The following STX17 variants were observed in gnomAD, a reference collection of about 807,000 sequenced individuals.
STX17 encodes the protein syntaxin-17.
A neutral mutation model predicts 35.9 loss-of-function variants in STX17; 29 were observed. The ratio of observed to expected loss-of-function variants is 0.81; its 90% CI spans 0.60 to 1.10. The LOEUF (loss-of-function observed/expected upper bound fraction) is 1.10. Ranked by LOEUF, STX17 falls within the 50% of genes least tolerant of loss-of-function variation. The probability of loss-of-function intolerance (pLI) is 0.00; values close to 1 mark genes in which losing one functional copy is unlikely to be tolerated. For missense variants in STX17, 312 were observed against 352.3 expected, an observed-to-expected ratio of 0.89 and a Z score of 0.92; for synonymous variants, 92 against 118.3, an observed-to-expected ratio of 0.78 and a Z score of 1.44.
In STX17 at chr9:99,970,080, C is replaced by T. The variant is rs886805627; in HGVS notation, c.*1407C>T. 2 of 152,362 alleles carry T rather than the reference C, an allele frequency of 1.3e-5. No homozygotes were observed. Among genetic ancestry groups the T allele is most frequent in the Non-Finnish European group, 1.5e-5 (1 of 68,090 alleles). The allele number at this position is 152,362 out of a possible 1,614,324, so 9.4% of individuals were successfully genotyped here. ...AGGAATCACTTTTTGCCTTACTTAACGCTTTTTTCTGAGCACAGGGATGGG... is the reference window on the plus strand; with the variant it reads ...AGGAATCACTTTTTGCCTTACTTAATGCTTTTTTCTGAGCACAGGGATGGG... On this transcript the variant is annotated 3_prime_UTR_variant, in exon 8 of 8. Transcript: ENST00000259400.
At chr9:99,958,031 A>G (rs901265266) in intron 4 of STX17, among the ~76,000 whole-genome samples, 2 of 152,160 alleles carry the variant, frequency 1.3e-5, no homozygotes, top group African/African-American at 4.8e-5. Flanking sequence ...TAATAGTAAC[A>G]TATTGATCTT....
chr9:99,961,259 T>C (rs900583499), intron 6 of STX17, among the ~76,000 whole-genome samples: 2 of 152,146 alleles, frequency 1.3e-5, no homozygotes, highest in Non-Finnish European at 2.9e-5. Flanking sequence ...TTGTGAATAA[T>C]GGCCTAAGAG....
intron 1 of STX17, among the ~76,000 whole-genome samples, chr9:99,908,188 G>A (rs1025453297): frequency 6.6e-6 from 1 of 152,114 alleles, no homozygotes; most frequent in East Asian, 1.9e-4. Context: ...TTGATCACTT[G>A]GTAGAGAGTG....
At chr9:99,927,964 C>G (rs1829023561) in intron 2 of STX17, among the ~76,000 whole-genome samples, 1 of 151,928 alleles carries the variant, frequency 6.6e-6, no homozygotes, top group African/African-American at 2.4e-5. Flanking sequence ...GTTTTCTATG[C>G]ATATATGAGG....
chr9:99,931,017 C>A (rs986927938), intron 3 of STX17, among the ~76,000 whole-genome samples: 1 of 152,098 alleles, frequency 6.6e-6, no homozygotes, highest in Admixed American at 6.6e-5. Context: ...CGCTCTTTCG[C>A]CCAGGCTGGA....
At position 99,915,379 on chromosome 9, in the gene STX17, A is replaced by ACTAC; in HGVS notation, c.123+19_123+22dup. On this transcript the variant is annotated intron_variant, in intron 2 of 7. Coordinates refer to ENST00000259400, the MANE Select transcript of STX17 (RefSeq NM_017919.3). ...ATTGAGAAGGTGAGCTGTTTCATTT[A>ACTAC]CTACCACAAGAAATAGTTACATAGT... is the stretch of plus-strand genomic sequence containing the variant. 1 of 1,574,542 alleles carries ACTAC rather than the reference A, an allele frequency of 6.4e-7. No homozygotes were observed. Among genetic ancestry groups the ACTAC allele is most frequent in the South Asian group, 1.2e-5 (1 of 84,266 alleles).
intron 4 of STX17, among the ~76,000 whole-genome samples, chr9:99,952,675 A>G (rs1183273068): frequency 6.6e-6 from 1 of 152,178 alleles, no homozygotes; most frequent in Non-Finnish European, 1.5e-5. Flanking sequence ...TGTGGCACAT[A>G]TACACCATGG....
chr9:99,908,675 G>A (rs988142582), intron 1 of STX17, among the ~76,000 whole-genome samples: 1 of 151,808 alleles, frequency 6.6e-6, no homozygotes, highest in Non-Finnish European at 1.5e-5. Flanking sequence ...GGCTCATCTT[G>A]TGTTTTCTGT....
chr9:99,937,044 A>G (rs1478798348), intron 3 of STX17, among the ~76,000 whole-genome samples: 2 of 152,186 alleles, frequency 1.3e-5, no homozygotes, highest in African/African-American at 4.8e-5. Context: ...TGCTGTATAT[A>G]CATTGACTTT....
At chr9:99,931,671 T>C (rs1430499612) in intron 3 of STX17, among the ~76,000 whole-genome samples, 3 of 152,170 alleles carry the variant, frequency 2.0e-5, no homozygotes, top group Non-Finnish European at 4.4e-5. Flanking sequence ...TACTGTCTGG[T>C]TCTTTGTAGA....
intron 4 of STX17, among the ~76,000 whole-genome samples, chr9:99,955,572 G>A (rs1455504628): frequency 6.6e-6 from 1 of 152,042 alleles, no homozygotes; most frequent in Admixed American, 6.6e-5. Flanking sequence ...GTAAAGGTTA[G>A]TGGAAATTTT....
chr9:99,938,745 C>T (rs557929034), intron 3 of STX17, among the ~76,000 whole-genome samples: 27 of 150,162 alleles, frequency 1.8e-4, no homozygotes, highest in African/African-American at 6.6e-4. Flanking sequence ...CATGATCATG[C>T]CACTGCACTC....
intron 2 of STX17, among the ~76,000 whole-genome samples, chr9:99,923,542 G>C (rs1288855374): frequency 6.6e-6 from 1 of 152,158 alleles, no homozygotes; most frequent in Non-Finnish European, 1.5e-5. Context: ...GACCAAATGT[G>C]TGTGAGTTTC....
At chr9:99,949,942 T>TACACAC (rs58226718) in intron 3 of STX17, among the ~76,000 whole-genome samples, 32,305 of 148,996 alleles carry the variant, frequency 0.22, 3,955 homozygotes, top group Non-Finnish European at 0.29. Context: ...CACACATGTA[T>TACACAC]ACACACACAC....
chr9:99,957,584 G>A (rs549213061), intron 4 of STX17, among the ~76,000 whole-genome samples: 4 of 151,492 alleles, frequency 2.6e-5, no homozygotes, highest in South Asian at 2.1e-4. Context: ...GCAGATCACC[G>A]TCATGTTACA....
chr9:99,928,756 C>A (rs947318338), intron 2 of STX17, 22 bp from the exon 3 acceptor site: 10 of 1,593,028 alleles, frequency 6.3e-6, no homozygotes, highest in Non-Finnish European at 7.7e-6. Flanking sequence ...AATTTAATAC[C>A]TCCCTTCTTT....
At chr9:99,906,766 C>CTGGCGCCCG (rs1332975765) in intron 1 of STX17, 60 bp downstream of exon 1, 1 of 152,240 alleles carries the variant, frequency 6.6e-6, no homozygotes, top group African/African-American at 2.4e-5. Context: ...CTTGGTGGGC[C>CTGGCGCCCG]TGGCGCCCGT....
chr9:99,932,463 G>T (rs1298565411), intron 3 of STX17, among the ~76,000 whole-genome samples: 3 of 152,090 alleles, frequency 2.0e-5, no homozygotes, highest in Non-Finnish European at 4.4e-5. Context: ...TCCACTATTT[G>T]TATATTCTGC....
chr9:99,929,858 T>A (rs1219131847), intron 3 of STX17: 2 of 151,398 alleles, frequency 1.3e-5, no homozygotes, highest in East Asian at 3.9e-4. Flanking sequence ...TAATTTTCTC[T>A]AAATGCTCCA....
Sources: gnomAD v4.1 joint callset for allele counts (sites outside exome capture counted in the v4.1 genomes callset) on GRCh38, gnomAD v4.1.1 for gene constraint, MANE v1.5 for transcripts, NCBI Gene and HGNC (gene_info 2026-07-23, HGNC 2026-07-21) for gene names.